The following PRDM16 variants were observed in gnomAD, a reference collection of about 807,000 sequenced individuals.
The protein encoded by PRDM16 is PR/SET domain 16.
Under a neutral mutation model 110.6 loss-of-function variants are expected in PRDM16, and 23 were observed. That is an observed-to-expected ratio of 0.21 (90% confidence interval 0.15 to 0.29). The LOEUF (loss-of-function observed/expected upper bound fraction) is 0.29. PRDM16 is among the 10% of genes least tolerant of loss of function. The pLI, the probability that PRDM16 is intolerant of heterozygous loss-of-function variation, is 1.00. For synonymous variants in PRDM16, 799 were observed against 781.8 expected (o/e 1.02, Z -0.37); for missense variants, 1,615 against 1,794.3 (o/e 0.90, Z 1.81).
intron 3 of PRDM16, among the ~76,000 whole-genome samples, chr1:3,251,298 G>C (rs1282650577): frequency 9.4e-6 from 1 of 106,790 alleles, no homozygotes; most frequent in South Asian, 3.5e-4. Context: ...CACGTGCTGC[G>C]TGGTTCAGGG....
chr1:3,276,282 G>C (rs1327017810), intron 3 of PRDM16, among the ~76,000 whole-genome samples: 1 of 152,224 alleles, frequency 6.6e-6, no homozygotes, highest in Non-Finnish European at 1.5e-5. Flanking sequence ...TCCTCGCCAG[G>C]CCTGCCATTG....
rs1194479109 is a variant in PRDM16 at position 3,096,385 on chromosome 1, G to A, written c.37+27089G>A. On this transcript the variant is annotated intron_variant, in intron 1 of 16. Coordinates refer to ENST00000270722, the MANE Select transcript of PRDM16 (RefSeq NM_022114.4). ...CAGGAGGCTCTGTGCACCATCCCTT[G>A]TCCACGCTCTCCCCTGGCCAAGTCG... Among the ~76,000 whole-genome samples the A allele has an allele frequency of 3.3e-5, 5 of 152,208 alleles. No homozygotes were observed. The East Asian group carries it at 9.7e-4, about 30-fold the overall frequency.
intron 3 of PRDM16, among the ~76,000 whole-genome samples, chr1:3,254,744 T>C (rs1290683599): frequency 5.3e-4 from 81 of 152,142 alleles, no homozygotes; most frequent in African/African-American, 1.9e-3. Context: ...AGGTAATTTA[T>C]AGATTCAATG....
At chr1:3,150,129 A>C (rs1643748847) in intron 1 of PRDM16, among the ~76,000 whole-genome samples, 1 of 152,204 alleles carries the variant, frequency 6.6e-6, no homozygotes, top group Non-Finnish European at 1.5e-5. Flanking sequence ...CCCCGAACGC[A>C]CAGGCGAACT....
chr1:3,074,019 T>A (rs1473583411), intron 1 of PRDM16, among the ~76,000 whole-genome samples: 1 of 151,958 alleles, frequency 6.6e-6, no homozygotes, highest in Non-Finnish European at 1.5e-5. Flanking sequence ...TGGGTTTAAG[T>A]AGGGGCTGTA....
At chr1:3,096,075 C>G (rs1308763493) in intron 1 of PRDM16, among the ~76,000 whole-genome samples, 1 of 152,140 alleles carries the variant, frequency 6.6e-6, no homozygotes, top group African/African-American at 2.4e-5. Flanking sequence ...GCCTGTCACC[C>G]CTGGGGCCCT....
chr1:3,131,058 C>A (rs1195808949), intron 1 of PRDM16, among the ~76,000 whole-genome samples: 1 of 152,162 alleles, frequency 6.6e-6, no homozygotes, highest in Non-Finnish European at 1.5e-5. Flanking sequence ...GAGGCCCCTG[C>A]CCTTGTCTTC....
chr1:3,225,530 C>CTGTG (rs57169358), intron 2 of PRDM16, among the ~76,000 whole-genome samples: 211 of 139,110 alleles, frequency 1.5e-3, no homozygotes, highest in Middle Eastern at 3.5e-3. Flanking sequence ...TGCAGCTTGC[C>CTGTG]TGTGTGTGTG....
intron 3 of PRDM16, among the ~76,000 whole-genome samples, chr1:3,315,633 G>A (rs1317753499): frequency 1.3e-5 from 2 of 152,172 alleles, no homozygotes; most frequent in African/African-American, 2.4e-5. Context: ...GGAGGGGCCT[G>A]AGCGCTTTTG....
chr1:3,182,064 A>C (rs899346574), intron 1 of PRDM16, among the ~76,000 whole-genome samples: 1 of 152,206 alleles, frequency 6.6e-6, no homozygotes, highest in African/African-American at 2.4e-5. Flanking sequence ...TCACATTCAC[A>C]CGCACTCTGG....
intron 3 of PRDM16, among the ~76,000 whole-genome samples, chr1:3,285,902 G>A (rs1640833894): frequency 6.6e-6 from 1 of 152,220 alleles, no homozygotes; most frequent in Non-Finnish European, 1.5e-5. Context: ...CCCAATCAAA[G>A]ATCCAGGCTC....
At chr1:3,138,482 TC>T (rs1222937103) in intron 1 of PRDM16, among the ~76,000 whole-genome samples, 3 of 152,206 alleles carry the variant, frequency 2.0e-5, no homozygotes, top group African/African-American at 7.2e-5. Context: ...GGTTTCACTT[TC>T]CTGTGCTTAT....
chr1:3,088,904 T>G (rs918843569), intron 1 of PRDM16, among the ~76,000 whole-genome samples: 1 of 152,046 alleles, frequency 6.6e-6, no homozygotes, highest in Admixed American at 6.6e-5. Context: ...TGCCTCAGCC[T>G]CCTGAGTAGC....
intron 1 of PRDM16, among the ~76,000 whole-genome samples, chr1:3,077,876 C>A (rs1397782335): frequency 6.6e-6 from 1 of 152,230 alleles, no homozygotes; most frequent in Non-Finnish European, 1.5e-5. Context: ...CCACTTTGAC[C>A]CCTGCCTTAG....
In PRDM16 at chr1:3,277,437, G is replaced by C. The variant is rs55923982; in HGVS notation, c.438+33300G>C. On this transcript the variant is annotated intron_variant, in intron 3 of 16. Coordinates refer to ENST00000270722, the MANE Select transcript of PRDM16 (RefSeq NM_022114.4). ...CCACCAGGGCCCTACCCTGCCATGG[G>C]GCGCACTTGCTCAGGCCTCTCCTCA... Among the ~76,000 whole-genome samples, 289 of 152,346 alleles carry C rather than the reference G, an allele frequency of 1.9e-3. 1 individual carries two copies. Among genetic ancestry groups the C allele is most frequent in the Non-Finnish European group, 3.5e-3 (241 of 68,024 alleles).
intron 3 of PRDM16, among the ~76,000 whole-genome samples, chr1:3,280,192 T>C (rs947173536): frequency 1.1e-4 from 16 of 152,204 alleles, no homozygotes; most frequent in African/African-American, 2.4e-5. Flanking sequence ...GGTCACCAGC[T>C]TAGTGCCAAG....
chr1:3,347,091 G>A (rs1254522296), intron 3 of PRDM16, among the ~76,000 whole-genome samples: 1 of 152,192 alleles, frequency 6.6e-6, no homozygotes, highest in Admixed American at 6.5e-5. Flanking sequence ...GGAAACCCAG[G>A]TGCCCAGTCT....
At position 3,412,047 on chromosome 1, in the gene PRDM16, C is replaced by G; in HGVS notation, c.1850C>G (p.Thr617Arg). Residue 617 changes from threonine (T) to arginine (R), a missense_variant, in exon 9 of 17, where the codon ACG (threonine) becomes AGG (arginine). By Grantham distance (71) the Thr-to-Arg change is moderately conservative. Coordinates refer to ENST00000270722, the MANE Select transcript of PRDM16 (RefSeq NM_022114.4). ...ACCACCACGGGGACCGACCTGGACA[C>G]GACCACGGGGACGGGCTCGGACCTG... Reference protein sequence around the residue: ...VNTTTGTDLDTTTGTGSDLDS... With the variant: ...VNTTTGTDLDRTTGTGSDLDS... The G allele has an allele frequency of 1.2e-6, 2 of 1,611,064 alleles. No homozygotes were observed. Among genetic ancestry groups the G allele is most frequent in the African/African-American group, 1.3e-5 (1 of 75,000 alleles).
chr1:3,138,105 C>T (rs1398485126), intron 1 of PRDM16, among the ~76,000 whole-genome samples: 1 of 152,182 alleles, frequency 6.6e-6, no homozygotes, highest in Non-Finnish European at 1.5e-5. Flanking sequence ...ACTTGTCGTT[C>T]TTGGGACACG....
Sources: allele counts gnomAD v4.1 joint callset (sites outside exome capture counted in the v4.1 genomes callset), GRCh38; gene constraint gnomAD v4.1.1; transcripts MANE v1.5; gene names NCBI Gene and HGNC (gene_info 2026-07-23, HGNC 2026-07-21).